The following BMPR1B variants were observed in gnomAD, a reference collection of about 807,000 sequenced individuals.
BMPR1B encodes bone morphogenetic protein receptor type-1B.
In BMPR1B, 12 loss-of-function variants were observed where a neutral mutation model predicts 59.1. The observed-to-expected ratio is 0.20, with a 90% confidence interval of 0.13 to 0.33. The LOEUF is 0.33. BMPR1B is among the 10% of genes least tolerant of loss of function. The pLI is 1.00. For missense variants in BMPR1B, 550 were observed against 610.9 expected, an observed-to-expected ratio of 0.90 and a Z score of 1.05; for synonymous variants, 237 against 207.3, an observed-to-expected ratio of 1.14 and a Z score of -1.23.
intron 10 of BMPR1B, among the ~76,000 whole-genome samples, chr4:95,141,401 G>C (rs948584457): frequency 6.6e-6 from 1 of 152,170 alleles, no homozygotes; most frequent in African/African-American, 2.4e-5. Flanking sequence ...CTGTGTAATG[G>C]TAAGTGTTCT....
intron 1 of BMPR1B, among the ~76,000 whole-genome samples, chr4:94,767,805 T>C (rs1232401770): frequency 1.3e-5 from 2 of 152,164 alleles, no homozygotes; most frequent in Non-Finnish European, 2.9e-5. Context: ...TTGTGATTTT[T>C]GTAGGCAAAT....
At position 94,961,749 on chromosome 4, in the gene BMPR1B, A is replaced by T. The variant is rs377115795; in HGVS notation, c.-112-34291A>T. 1.8e-4 allele frequency among the ~76,000 whole-genome samples: 27 copies of T among 152,306 alleles called. No individual in the cohort carries two copies. The South Asian group carries it at 4.1e-3, about 23-fold the overall frequency. On this transcript the variant is annotated intron_variant, in intron 2 of 12. Transcript: ENST00000515059. ...TCTTTCCATACTCAAGTGTGCTAAC[A>T]TTATTTCCTATTCGTTTATAAATTA...
intron 2 of BMPR1B, among the ~76,000 whole-genome samples, chr4:94,986,037 A>G (rs947538926): frequency 3.9e-5 from 6 of 152,304 alleles, no homozygotes; most frequent in East Asian, 1.9e-4. Flanking sequence ...TTAAGTATCA[A>G]TTATAAGGGG....
At chr4:95,111,024 G>T (rs1021019676) in intron 4 of BMPR1B, among the ~76,000 whole-genome samples, 1 of 152,094 alleles carries the variant, frequency 6.6e-6, no homozygotes, top group Non-Finnish European at 1.5e-5. Flanking sequence ...TTAAGAACTT[G>T]TTTACAGATG....
chr4:94,947,714 AG>A (rs745598981), intron 2 of BMPR1B, among the ~76,000 whole-genome samples: 1 of 152,178 alleles, frequency 6.6e-6, no homozygotes, highest in Non-Finnish European at 1.5e-5. Flanking sequence ...AGTGATGGCG[AG>A]GTAAGATTTA....
intron 2 of BMPR1B, among the ~76,000 whole-genome samples, chr4:94,927,957 C>T (rs1302006786): frequency 6.6e-6 from 1 of 151,988 alleles, no homozygotes; most frequent in Admixed American, 6.6e-5. Flanking sequence ...GATGATAACA[C>T]CAAAGTTTTG....
intron 3 of BMPR1B, among the ~76,000 whole-genome samples, chr4:95,016,036 A>G (rs967915448): frequency 6.6e-6 from 1 of 152,190 alleles, no homozygotes; most frequent in Admixed American, 6.5e-5. Context: ...CAAACTAACA[A>G]TTCAGACTTA....
chr4:94,908,810 A>T (rs756456370), intron 2 of BMPR1B, among the ~76,000 whole-genome samples: 2 of 152,056 alleles, frequency 1.3e-5, no homozygotes, highest in African/African-American at 4.8e-5. Flanking sequence ...CTTTTGCTTG[A>T]ATAATGTCTC....
At chr4:95,063,641 A>G (rs1727578545) in intron 3 of BMPR1B, among the ~76,000 whole-genome samples, 1 of 152,194 alleles carries the variant, frequency 6.6e-6, no homozygotes, top group Admixed American at 6.5e-5. Context: ...AATATGCAAA[A>G]CCACATAACA....
At chr4:94,916,405 G>T (rs1578798732) in intron 2 of BMPR1B, among the ~76,000 whole-genome samples, 1 of 152,220 alleles carries the variant, frequency 6.6e-6, no homozygotes, top group Non-Finnish European at 1.5e-5. Context: ...TGGAAATGAG[G>T]AACTTACTGG....
At chr4:94,913,493 G>T (rs1317506328) in intron 2 of BMPR1B, among the ~76,000 whole-genome samples, 1 of 152,126 alleles carries the variant, frequency 6.6e-6, no homozygotes, top group East Asian at 1.9e-4. Flanking sequence ...AGTCCTCTTT[G>T]TCATTTGATT....
chr4:94,861,646 A>C (rs1269911719), intron 1 of BMPR1B, among the ~76,000 whole-genome samples: 1 of 152,226 alleles, frequency 6.6e-6, no homozygotes, highest in Non-Finnish European at 1.5e-5. Context: ...ACTAGATTGC[A>C]AACTTCTTGA....
chr4:94,902,637 T>C (rs1727876845), intron 2 of BMPR1B, among the ~76,000 whole-genome samples: 1 of 152,036 alleles, frequency 6.6e-6, no homozygotes, highest in Non-Finnish European at 1.5e-5. Flanking sequence ...GCTTAAGATA[T>C]AGTCTGTTCT....
intron 1 of BMPR1B, among the ~76,000 whole-genome samples, chr4:94,771,719 T>C (rs1722191794): frequency 1.3e-5 from 2 of 152,216 alleles, no homozygotes; most frequent in Admixed American, 6.5e-5. Context: ...AGTTACCACA[T>C]ATTTACTAAT....
chr4:95,109,245 T>G (rs571749716), intron 4 of BMPR1B, among the ~76,000 whole-genome samples: 1 of 152,158 alleles, frequency 6.6e-6, no homozygotes, highest in African/African-American at 2.4e-5. Context: ...CTGGGCAGTT[T>G]TCAGGGTTTA....
chr4:95,025,353 T>A (rs1257656383), intron 3 of BMPR1B, among the ~76,000 whole-genome samples: 1 of 152,086 alleles, frequency 6.6e-6, no homozygotes, highest in Non-Finnish European at 1.5e-5. Flanking sequence ...GGTCATCTCT[T>A]TAGTTGCTTA....
intron 1 of BMPR1B, among the ~76,000 whole-genome samples, chr4:94,821,340 A>C (rs1178457553): frequency 1.3e-5 from 2 of 152,202 alleles, no homozygotes; most frequent in South Asian, 4.1e-4. Flanking sequence ...CTTGAAGTTT[A>C]ATACTAACAA....
chr4:94,858,412 T>A (rs1725854030), intron 1 of BMPR1B, among the ~76,000 whole-genome samples: 1 of 152,198 alleles, frequency 6.6e-6, no homozygotes, highest in South Asian at 2.1e-4. Flanking sequence ...CTATAAAACT[T>A]AGTCATTAGA....
chr4:95,105,553 C>T (rs1731142920), intron 4 of BMPR1B, among the ~76,000 whole-genome samples: 1 of 151,794 alleles, frequency 6.6e-6, no homozygotes, highest in Admixed American at 6.6e-5. Context: ...TATAAGCTTA[C>T]CAGGGTATTC....
Sources: gnomAD v4.1 joint callset for allele counts (sites outside exome capture counted in the v4.1 genomes callset) on GRCh38, gnomAD v4.1.1 for gene constraint, MANE v1.5 for transcripts, NCBI Gene and HGNC (gene_info 2026-07-23, HGNC 2026-07-21) for gene names.